Variants in CPNE8 observed in about 807,000 individuals in gnomAD.
CPNE8 encodes copine-8.
A neutral mutation model predicts 81.5 loss-of-function variants in CPNE8; 45 were observed. The observed-to-expected ratio is 0.55, with a 90% confidence interval of 0.44 to 0.71. The LOEUF (loss-of-function observed/expected upper bound fraction) is 0.71. Ranked by LOEUF, CPNE8 falls within the 30% of genes least tolerant of loss-of-function variation. The pLI is 0.00. For synonymous variants in CPNE8, 252 were observed against 226.3 expected, an observed-to-expected ratio of 1.11 and a Z score of -1.02; for missense variants, 594 against 672.1, an observed-to-expected ratio of 0.88 and a Z score of 1.28.
intron 8 of CPNE8, among the ~76,000 whole-genome samples, chr12:38,766,026 T>C (rs866511504): frequency 1.3e-4 from 20 of 152,158 alleles, no homozygotes; most frequent in Middle Eastern, 3.4e-3. Context: ...GCCCAGCTAA[T>C]TTTTTGTATT....
At chr12:38,720,842 A>C (rs560495796) in intron 13 of CPNE8, 1 of 152,428 alleles carries the variant, frequency 6.6e-6, no homozygotes, top group Non-Finnish European at 1.5e-5. Context: ...GCAGTCATCC[A>C]AGCCACGGCT....
In CPNE8 at chr12:38,730,366, T is replaced by TA. The variant is rs1940802991; in HGVS notation, c.723-9dup. 1.5e-6 allele frequency: 2 copies of TA among 1,356,888 alleles called. No homozygotes were observed. Among genetic ancestry groups the TA allele is most frequent in the African/African-American group, 2.5e-5 (1 of 39,696 alleles). 84.1% of individuals were successfully genotyped at this position (1,356,888 alleles called of 1,614,324 possible). The stretch of plus-strand genomic sequence containing the variant: ...TCTCCAATGAAATCATGACTAAAAT[T>TA]AAAGGAAAAAAGTACATAATATTGG... On this transcript the variant is annotated splice_polypyrimidine_tract_variant and intron_variant, in intron 10 of 19. Coordinates refer to ENST00000331366, the MANE Select transcript of CPNE8 (RefSeq NM_153634.3).
intron 1 of CPNE8, among the ~76,000 whole-genome samples, chr12:38,886,420 A>G (rs1401144371): frequency 1.3e-5 from 2 of 152,256 alleles, no homozygotes; most frequent in African/African-American, 4.8e-5. Flanking sequence ...GCAAAGGCAA[A>G]GAGAATAATG....
intron 15 of CPNE8, among the ~76,000 whole-genome samples, chr12:38,691,409 T>A (rs75436853): frequency 6.6e-6 from 1 of 152,128 alleles, no homozygotes; most frequent in African/African-American, 2.4e-5. Flanking sequence ...AGATAATGAG[T>A]ATAAAGTATG....
chr12:38,662,636 C>G (rs901806374), intron 19 of CPNE8, among the ~76,000 whole-genome samples: 54 of 152,038 alleles, frequency 3.6e-4, no homozygotes, highest in Admixed American at 3.3e-3. Flanking sequence ...TAGAAAAACA[C>G]AATCCTAAAA....
chr12:38,871,817 A>G (rs1943996423), intron 3 of CPNE8, among the ~76,000 whole-genome samples: 1 of 152,182 alleles, frequency 6.6e-6, no homozygotes, highest in Non-Finnish European at 1.5e-5. Flanking sequence ...TATTTGATAT[A>G]CAGAGTTTGA....
chr12:38,687,453 T>A (rs1592010094), intron 15 of CPNE8, among the ~76,000 whole-genome samples: 1 of 147,282 alleles, frequency 6.8e-6, no homozygotes, highest in South Asian at 2.2e-4. Flanking sequence ...CGGATCTCGG[T>A]TCACTGCAAC....
At chr12:38,849,516 A>C (rs745758125) in intron 3 of CPNE8, among the ~76,000 whole-genome samples, 1 of 152,248 alleles carries the variant, frequency 6.6e-6, no homozygotes, top group Non-Finnish European at 1.5e-5. Flanking sequence ...CTTTTATTAA[A>C]GTTCAATGAA....
chr12:38,656,711 C>T (rs1938828563), intron 19 of CPNE8, among the ~76,000 whole-genome samples: 1 of 152,076 alleles, frequency 6.6e-6, no homozygotes, highest in African/African-American at 2.4e-5. Context: ...TTTTAAAGAA[C>T]TAACACAAAT....
rs147629998 is a variant in CPNE8, at chr12:38,819,260, G to A, written c.407+10119C>T. Among the ~76,000 whole-genome samples, 21 of 152,176 alleles carry A rather than the reference G, an allele frequency of 1.4e-4. No individual in the cohort carries two copies. In the East Asian group the frequency reaches 4.1e-3, roughly 29 times the overall value. On this transcript the variant is annotated intron_variant, in intron 6 of 19. Transcript: ENST00000331366. ...TAGGTTTTATTCTAGGGTTTTTATG[G>A]TTTTAGGTTTTACATTTAAGTCTTT...
chr12:38,673,094 G>A (rs1178984245), intron 18 of CPNE8, among the ~76,000 whole-genome samples: 1 of 152,128 alleles, frequency 6.6e-6, no homozygotes. Context: ...TCTCGTGATA[G>A]TGAGTGAATT....
intron 1 of CPNE8, among the ~76,000 whole-genome samples, chr12:38,896,186 G>T (rs180841703): frequency 1.3e-5 from 2 of 152,236 alleles, no homozygotes; most frequent in Admixed American, 1.3e-4. Flanking sequence ...AGAAATATTT[G>T]CTGGGGACTA....
intron 1 of CPNE8, among the ~76,000 whole-genome samples, chr12:38,897,255 C>T (rs943345038): frequency 2.6e-4 from 39 of 151,980 alleles, no homozygotes; most frequent in African/African-American, 9.4e-4. Context: ...AGCCTTGATT[C>T]TGCGTATTTA....
chr12:38,780,968 A>G (rs1942040582), intron 6 of CPNE8, among the ~76,000 whole-genome samples: 1 of 151,996 alleles, frequency 6.6e-6, no homozygotes, highest in Non-Finnish European at 1.5e-5. Flanking sequence ...CAGTGACACT[A>G]ATGTTAAAAA....
chr12:38,837,331 C>T lies in CPNE8; in HGVS notation c.330+2585G>A, dbSNP rs143988775. On this transcript the variant is annotated intron_variant, in intron 5 of 19. Transcript: ENST00000331366. ...TCAAGATAAATCACAGAAGCAGAAG[C>T]ACATGATCTGGAAGGAAAAAATCAT... is the stretch of plus-strand genomic sequence containing the variant. 3.3e-5 allele frequency among the ~76,000 whole-genome samples: 5 copies of T among 152,122 alleles called. No individual in the cohort carries two copies. In the East Asian group the frequency reaches 9.7e-4, roughly 29 times the overall value.
intron 14 of CPNE8, among the ~76,000 whole-genome samples, chr12:38,700,491 C>G (rs1004429525): frequency 2.0e-5 from 3 of 151,648 alleles, no homozygotes; most frequent in Admixed American, 6.6e-5. Flanking sequence ...TCCCAAACTG[C>G]TAGGAATACA....
chr12:38,773,813 A>G (rs1351593412), intron 7 of CPNE8, among the ~76,000 whole-genome samples: 1 of 152,144 alleles, frequency 6.6e-6, no homozygotes, highest in African/African-American at 2.4e-5. Context: ...ACACTTGTGC[A>G]TTCTACTATA....
intron 11 of CPNE8, among the ~76,000 whole-genome samples, chr12:38,729,921 T>C (rs1940792466): frequency 1.3e-5 from 2 of 151,550 alleles, no homozygotes; most frequent in South Asian, 4.2e-4. Context: ...CCACAGCTCA[T>C]TTTATAACGC....
intron 13 of CPNE8, among the ~76,000 whole-genome samples, chr12:38,717,662 T>G (rs1940439853): frequency 6.6e-6 from 1 of 150,844 alleles, no homozygotes. Context: ...ATTTGAGGGG[T>G]GAAGTTTGGG....
Sources: allele counts gnomAD v4.1 joint callset (sites outside exome capture counted in the v4.1 genomes callset), GRCh38; gene constraint gnomAD v4.1.1; transcripts MANE v1.5; gene names NCBI Gene and HGNC (gene_info 2026-07-23, HGNC 2026-07-21).